LUC7L: variants seen among roughly 807,000 people sequenced by gnomAD.
The protein encoded by LUC7L is LUC7 like, also known as putative RNA-binding protein Luc7-like 1.
A neutral mutation model predicts 51.1 loss-of-function variants in LUC7L; 29 were observed. The observed-to-expected ratio is 0.57, with a 90% confidence interval of 0.42 to 0.77. The LOEUF (loss-of-function observed/expected upper bound fraction) is 0.77. LUC7L is among the 30% of genes least tolerant of loss of function. The pLI, the probability that LUC7L is intolerant of heterozygous loss-of-function variation, is 0.00. For missense variants in LUC7L, 403 were observed against 511.9 expected (o/e 0.79, Z 2.05); for synonymous variants, 181 against 180.7 (o/e 1.00, Z -0.01).
intron 2 of LUC7L, 95 bp from the exon 3 acceptor site, chr16:220,842 T>C: frequency 1.3e-6 from 1 of 771,870 alleles, no homozygotes; most frequent in South Asian, 1.6e-5. Flanking sequence ...CCAACAGAAA[T>C]GATCACTTTT....
intron 4 of LUC7L, among the ~76,000 whole-genome samples, chr16:206,845 G>A (rs1345352138): frequency 2.2e-5 from 3 of 136,594 alleles, no homozygotes; most frequent in Non-Finnish European, 3.0e-5. Context: ...GATTGCTTAA[G>A]CCCAAGAGTT....
intron 3 of LUC7L, among the ~76,000 whole-genome samples, chr16:213,606 T>C (rs1418172961): frequency 6.6e-6 from 1 of 152,080 alleles, no homozygotes; most frequent in African/African-American, 2.4e-5. Context: ...GTTATCACCA[T>C]GTTGGTCAGA....
chr16:200,292 C>T (rs145677715), intron 5 of LUC7L, among the ~76,000 whole-genome samples: 2,198 of 151,964 alleles, frequency 0.014, 20 homozygotes, highest in Non-Finnish European at 0.024. Flanking sequence ...GGCGTGGTGG[C>T]GGGCGCCTGT....
intron 3 of LUC7L, among the ~76,000 whole-genome samples, chr16:211,896 C>T (rs943533474): frequency 5.9e-5 from 9 of 152,220 alleles, no homozygotes; most frequent in South Asian, 2.1e-4. Context: ...TGACACAGGC[C>T]GGTGGTCACT....
At chr16:213,750 T>C (rs1166539022) in intron 3 of LUC7L, among the ~76,000 whole-genome samples, 1 of 152,066 alleles carries the variant, frequency 6.6e-6, no homozygotes, top group African/African-American at 2.4e-5. Context: ...AGTCTCGCAC[T>C]GTTTCCTGGA....
At chr16:197,912 G>C (rs923239438) in intron 6 of LUC7L, among the ~76,000 whole-genome samples, 2 of 152,140 alleles carry the variant, frequency 1.3e-5, no homozygotes, top group African/African-American at 4.8e-5. Context: ...TCAGTGTGAA[G>C]GGAGACAATT....
intron 1 of LUC7L, chr16:227,966 G>A (rs553818553): frequency 4.8e-6 from 5 of 1,032,098 alleles, no homozygotes; most frequent in Admixed American, 1.0e-4. Flanking sequence ...TACACACTGT[G>A]AGCTCCAACA....
In LUC7L at chr16:206,018, TC is replaced by T. The variant is rs1384544539; in HGVS notation, c.495del (p.Glu168LysfsTer61). ...ILMEVEKVRAKKKEAEEEYRN... is the reference protein window; with the variant it reads ...ILMEVEKVRAXKKEAEEEYRN... ...ATCTCACCAACCTCAGCTTCTTTTT[TC>T]TTCGCACGAACTTTTTCCACTTCCA... On this transcript the variant is annotated frameshift_variant, in exon 5 of 10. Coordinates refer to ENST00000293872, the MANE Select transcript of LUC7L (RefSeq NM_201412.3). LOFTEE classifies it high-confidence loss of function. The T allele has an allele frequency of 5.0e-6, 8 of 1,611,886 alleles. No homozygotes were observed. Among genetic ancestry groups the T allele is most frequent in the Non-Finnish European group, 5.9e-6 (7 of 1,179,592 alleles).
At chr16:198,845 C>T (rs1409075926) in intron 6 of LUC7L, among the ~76,000 whole-genome samples, 3 of 151,984 alleles carry the variant, frequency 2.0e-5, no homozygotes, top group African/African-American at 4.8e-5. Context: ...CACCAACACA[C>T]CTGGCTAATT....
chr16:189,786 T>C, intron 9 of LUC7L, 182 bp downstream of exon 9: 1 of 1,420,652 alleles, frequency 7.0e-7, no homozygotes, highest in Non-Finnish European at 9.2e-7. Flanking sequence ...CCTGGCGCCG[T>C]GCGAGCTCCT....
At chr16:215,099 A>C (rs919624301) in intron 3 of LUC7L, among the ~76,000 whole-genome samples, 1 of 152,066 alleles carries the variant, frequency 6.6e-6, no homozygotes, top group Non-Finnish European at 1.5e-5. Context: ...TTTCCTCTTA[A>C]AATAAGTTAC....
intron 5 of LUC7L, among the ~76,000 whole-genome samples, chr16:204,752 T>C (rs1398069735): frequency 1.3e-5 from 2 of 152,182 alleles, no homozygotes; most frequent in Non-Finnish European, 2.9e-5. Context: ...CTCAATCTAA[T>C]GTATACATCA....
rs933544893 is a variant in LUC7L, at chr16:220,407, G to T, written c.255+242C>A. The T allele has an allele frequency of 2.7e-5, 11 of 414,694 alleles. No individual in the cohort carries two copies. The Admixed American group carries it at 2.9e-4, about 11-fold the overall frequency. The allele number at this position is 414,694 out of a possible 1,614,324, so 25.7% of individuals were successfully genotyped here. ...ACACTGTTCAAGGACTCATAAAAAT[G>T]TAATTAAAATTTTTAAAAGCAACAA... On this transcript the variant is annotated intron_variant, in intron 3 of 9. Transcript: ENST00000293872.
At chr16:227,609 C>G in intron 1 of LUC7L, 4 of 1,255,384 alleles carry the variant, frequency 3.2e-6, no homozygotes, top group Non-Finnish European at 4.0e-6. Flanking sequence ...CAGCTGAGCA[C>G]CAAAAGGCCA....
At position 193,844 on chromosome 16, in the gene LUC7L, C is replaced by T. The variant is rs1292229561; in HGVS notation, c.688-829G>A. 2.7e-5 allele frequency among the ~76,000 whole-genome samples: 4 copies of T among 149,410 alleles called. No homozygotes were observed. In the East Asian group the frequency reaches 5.9e-4, roughly 22 times the overall value. On this transcript the variant is annotated intron_variant, in intron 6 of 9. Coordinates refer to ENST00000293872, the MANE Select transcript of LUC7L (RefSeq NM_201412.3). ...TTTGAGACGGAGTCTCGCTCTGTCA[C>T]CCAGGCTGGAGTGCAGTGGCGCAAT...
Position 190,004 on chromosome 16 carries a change from T to C in LUC7L, c.938A>G (p.His313Arg), listed in dbSNP as rs144911375. 3.5e-4 allele frequency: 566 copies of C among 1,613,846 alleles called. 2 individuals are homozygous for C. In the African/African-American group the frequency reaches 6.9e-3, roughly 20 times the overall value. ...RSRSRSHSRGHRRASRDRSAK... is the reference protein window; with the variant it reads ...RSRSRSHSRGRRRASRDRSAK... ...ACTTCGGTCCCGGGAAGCCCGACGA[T>C]GTCCCCGGCTGTGGCTCCGGGAACG... Residue 313 changes from histidine to arginine, a missense_variant, in exon 9 of 10, where the codon CAT (histidine) becomes CGT (arginine). His to Arg is a conservative substitution (Grantham distance 29). Around this residue, in one of 3 missense-constraint regions of LUC7L, gnomAD observed 206 missense variants for 218.3 expected, o/e 0.94. Coordinates refer to ENST00000293872, the MANE Select transcript of LUC7L (RefSeq NM_201412.3).
chr16:228,918 C>A, intron 1 of LUC7L: 1 of 1,363,426 alleles, frequency 7.3e-7, no homozygotes, highest in South Asian at 1.2e-5. Flanking sequence ...TTCTGCCACC[C>A]GGCTGCCAGC....
At position 189,883 on chromosome 16, in the gene LUC7L, A is replaced by G; in HGVS notation, c.974+85T>C. The G allele has an allele frequency of 1.9e-6, 3 of 1,539,382 alleles. No individual in the cohort carries two copies. In the South Asian group the frequency reaches 3.7e-5, roughly 19 times the overall value. The stretch of plus-strand genomic sequence containing the variant: ...TGAGGGTGAGCCCAGCCCCATCCCC[A>G]CCAGACACGGCCCTCAGCAGACCCT... On this transcript the variant is annotated intron_variant, in intron 9 of 9. Coordinates refer to ENST00000293872, the MANE Select transcript of LUC7L (RefSeq NM_201412.3).
chr16:196,536 T>C (rs988958325), intron 6 of LUC7L, among the ~76,000 whole-genome samples: 1 of 152,150 alleles, frequency 6.6e-6, no homozygotes, highest in Non-Finnish European at 1.5e-5. Flanking sequence ...CAAACAATTT[T>C]TTTTTCTTTA....
Sources: gnomAD v4.1 joint callset for allele counts (sites outside exome capture counted in the v4.1 genomes callset) on GRCh38, gnomAD v4.1.1 for gene constraint, gnomAD v4.1.1 regional missense constraint, MANE v1.5 for transcripts, NCBI Gene and HGNC (gene_info 2026-07-23, HGNC 2026-07-21) for gene names.